B9D1: variants seen among roughly 807,000 people sequenced by gnomAD.
B9D1 encodes the protein B9 domain-containing protein 1.
A neutral mutation model predicts 26.1 loss-of-function variants in B9D1; 20 were observed. That is an observed-to-expected ratio of 0.77 (90% confidence interval 0.54 to 1.12). B9D1 has a LOEUF of 1.12. B9D1 is among the 50% of genes most tolerant of loss of function. The pLI is 0.00. For missense variants in B9D1, 260 were observed against 273.7 expected (o/e 0.95, Z 0.35); for synonymous variants, 105 against 103.1 (o/e 1.02, Z -0.11).
chr17:19,376,277 T>A (rs1756053161), intron 1 of B9D1, among the ~76,000 whole-genome samples: 2 of 152,134 alleles, frequency 1.3e-5, no homozygotes, highest in African/African-American at 4.8e-5. Flanking sequence ...TTTGCAACCA[T>A]CTGAATGGAC....
intron 6 of B9D1, 92 bp from the exon 7 acceptor site, chr17:19,343,553 G>A (rs1265373159): frequency 1.3e-6 from 2 of 1,593,348 alleles, no homozygotes; most frequent in East Asian, 2.3e-5. Context: ...GTTCTCATCT[G>A]TAAAATGGGG....
chr17:19,353,889 G>A (rs982859716), intron 3 of B9D1, among the ~76,000 whole-genome samples: 4 of 152,264 alleles, frequency 2.6e-5, no homozygotes, highest in East Asian at 3.9e-4. Flanking sequence ...GCAGTGAGCC[G>A]AGATCGTGCC....
chr17:19,351,666 A>T (rs1435791411), intron 3 of B9D1, among the ~76,000 whole-genome samples: 1 of 152,176 alleles, frequency 6.6e-6, no homozygotes, highest in Non-Finnish European at 1.5e-5. Flanking sequence ...TTTCTTTGTG[A>T]GAACATTTTT....
Position 19,357,762 on chromosome 17 carries a change from T to G in B9D1, c.244+78A>C. On this transcript the variant is annotated intron_variant, in intron 3 of 6. Transcript: ENST00000261499. ...AATCTGAATGTGAACAGTCATGGGC[T>G]GGATGAGGCAGAGGCTGTCTTGGGG... 6 of 1,028,190 alleles carry G rather than the reference T, an allele frequency of 5.8e-6. No homozygotes were observed. The South Asian group carries it at 7.6e-5, about 13-fold the overall frequency. 63.7% of individuals were successfully genotyped at this position (1,028,190 alleles called of 1,614,324 possible). A position where few individuals can be genotyped will look rare whatever the true frequency, so the allele number is the denominator to read the frequency against.
At position 19,347,663 on chromosome 17, in the gene B9D1, T is replaced by G. The variant is rs993401110; in HGVS notation, c.341+121A>C. 5.0e-6 allele frequency: 5 copies of G among 994,164 alleles called. No individual in the cohort carries two copies. The highest frequency in any genetic ancestry group is 1.6e-5 in the African/African-American group (1 of 62,590). 61.6% of individuals were successfully genotyped at this position (994,164 alleles called of 1,614,324 possible). On this transcript the variant is annotated intron_variant, in intron 4 of 6. Coordinates refer to ENST00000261499, the MANE Select transcript of B9D1 (RefSeq NM_015681.6). The surrounding 1 kb of genome is among the most constrained non-coding windows in gnomAD (Gnocchi z 4.3). ...GCTACAACCCCCCTGGCCACCAGGC[T>G]GAGCTGCCCAGGCCCCTGGAGACCC...
In B9D1 at chr17:19,359,439, G is replaced by A. The variant is rs746789095; in HGVS notation, c.132+881C>T. ...CTGTTTCTGCCTGGACAGTTCTCAC[G>A]GGTTTCCACATGGCTTGTTCCCTCA... On this transcript the variant is annotated intron_variant, in intron 2 of 6. Transcript: ENST00000261499. The surrounding 1 kb of genome is among the most constrained non-coding windows in gnomAD (Gnocchi z 5.0). Among the ~76,000 whole-genome samples, 1 of 152,124 alleles carries A rather than the reference G, an allele frequency of 6.6e-6. No individual in the cohort carries two copies. Among genetic ancestry groups the A allele is most frequent in the South Asian group, 2.1e-4 (1 of 4,820 alleles).
upstream of B9D1, among the ~76,000 whole-genome samples, chr17:19,364,840 T>C (rs1335617641): frequency 2.0e-5 from 3 of 152,224 alleles, no homozygotes; most frequent in Non-Finnish European, 4.4e-5. This position sits in a 1 kb window ranked among gnomAD's most constrained non-coding sequence, Gnocchi z 4.3. Flanking sequence ...TTCCAGCACA[T>C]TGGGCAGGCG....
At chr17:19,376,432 A>C (rs1912103405) in intron 1 of B9D1, among the ~76,000 whole-genome samples, 1 of 152,004 alleles carries the variant, frequency 6.6e-6, no homozygotes, top group South Asian at 2.1e-4. Flanking sequence ...ATATTTGTCT[A>C]TTCTCTCTAT....
downstream of B9D1, chr17:19,335,600 T>G: frequency 1.9e-5 from 14 of 718,018 alleles, no homozygotes; most frequent in East Asian, 6.7e-5. Flanking sequence ...TGGGCAACAG[T>G]CCCTAGGCTA....
chr17:19,367,474 G>A (rs1378164657), upstream of B9D1, among the ~76,000 whole-genome samples: 1 of 152,026 alleles, frequency 6.6e-6, no homozygotes, highest in Non-Finnish European at 1.5e-5. Flanking sequence ...ACCATGCCCA[G>A]CTAATTTTTG....
At chr17:19,336,044 C>T (rs567778553), downstream of B9D1, 1 of 152,322 alleles carries the variant, frequency 6.6e-6, no homozygotes, top group Non-Finnish European at 1.5e-5. Context: ...CAGGAGAGAT[C>T]TTAAATGGTC....
rs372644068 is a variant in B9D1 at position 19,347,243 on chromosome 17, G to A, written c.404+26C>T. ...CCATTCATCCAGTAGATCAGGAGGG[G>A]CTGGGGTTATGGGTACAAAACTCAC... On this transcript the variant is annotated intron_variant, in intron 5 of 6. Transcript: ENST00000261499. The surrounding 1 kb of genome is among the most constrained non-coding windows in gnomAD (Gnocchi z 4.3). 3.6e-5 allele frequency: 58 copies of A among 1,614,214 alleles called. No individual in the cohort carries two copies. In the Admixed American group the frequency reaches 5.5e-4, roughly 15 times the overall value.
At chr17:19,353,357 G>C (rs1909902764) in intron 3 of B9D1, among the ~76,000 whole-genome samples, 1 of 152,008 alleles carries the variant, frequency 6.6e-6, no homozygotes, top group Non-Finnish European at 1.5e-5. Context: ...TACAAAATTG[G>C]TCAGGCGCAG....
At chr17:19,377,414 G>A (rs1912191798) in intron 1 of B9D1, among the ~76,000 whole-genome samples, 1 of 152,224 alleles carries the variant, frequency 6.6e-6, no homozygotes, top group South Asian at 2.1e-4. Flanking sequence ...GACCCCTCCA[G>A]TTATTGATAT....
In B9D1 at chr17:19,362,677, G is replaced by T. The variant is rs199908550; in HGVS notation, c.-108C>A. The T allele has an allele frequency of 6.5e-7, 1 of 1,544,366 alleles. No individual in the cohort carries two copies. The highest frequency in any genetic ancestry group is 1.2e-5 in the South Asian group (1 of 83,956). ...GCGTAGCGCGCAGGACACGTTTCTT[G>T]GCAGCGACACCTTCGCGAAGGCCAC... On this transcript the variant is annotated 5_prime_UTR_variant, in exon 1 of 7. Transcript: ENST00000261499.
At chr17:19,341,703 C>T (rs955901291), downstream of B9D1, among the ~76,000 whole-genome samples, 16 of 152,268 alleles carry the variant, frequency 1.1e-4, no homozygotes, top group East Asian at 1.4e-3. Flanking sequence ...GAACGCGAGC[C>T]GTTGTGGCTC....
intron 1 of B9D1, among the ~76,000 whole-genome samples, chr17:19,374,561 C>T (rs1162753523): frequency 4.6e-5 from 7 of 152,242 alleles, no homozygotes; most frequent in African/African-American, 9.6e-5. Flanking sequence ...TGCATATACA[C>T]TTGCTGTGTG....
At chr17:19,337,283 C>T (rs1567875900), downstream of B9D1, among the ~76,000 whole-genome samples, 1 of 152,232 alleles carries the variant, frequency 6.6e-6, no homozygotes, top group African/African-American at 2.4e-5. Flanking sequence ...TCAGAGCCAC[C>T]AACCAGACGA....
At chr17:19,357,581 G>C in intron 3 of B9D1, 1 of 514,432 alleles carries the variant, frequency 1.9e-6, no homozygotes, top group Non-Finnish European at 3.6e-6. Flanking sequence ...CCTTTTACAG[G>C]CGTGGCCACT....
Sources: gnomAD v4.1 joint callset for allele counts (sites outside exome capture counted in the v4.1 genomes callset) on GRCh38, gnomAD v4.1.1 for gene constraint, Gnocchi (gnomAD v3.1) non-coding constraint, MANE v1.5 for transcripts, NCBI Gene and HGNC (gene_info 2026-07-23, HGNC 2026-07-21) for gene names.